Variants in SLC25A21 observed in about 807,000 individuals in gnomAD.
The protein encoded by SLC25A21 is mitochondrial 2-oxodicarboxylate carrier.
SLC25A21 carries 47 observed loss-of-function variants against 43.8 expected under a neutral mutation model. The observed-to-expected ratio is 1.07, with a 90% CI of 0.85 to 1.37. SLC25A21 has a LOEUF of 1.37. Ranked by LOEUF, SLC25A21 falls within the 40% of genes most tolerant of loss-of-function variation. SLC25A21 has a pLI of 0.00. For synonymous variants in SLC25A21, 131 were observed against 121.3 expected (o/e 1.08, Z -0.52); for missense variants, 352 against 350.2 (o/e 1.00, Z -0.04).
At chr14:36,985,876 A>G (rs1002296985) in intron 1 of SLC25A21, among the ~76,000 whole-genome samples, 1 of 152,180 alleles carries the variant, frequency 6.6e-6, no homozygotes, top group Admixed American at 6.5e-5. Context: ...ATCATTATTT[A>G]TTTTAATGCT....
At chr14:37,092,352 C>T (rs529674760) in intron 1 of SLC25A21, among the ~76,000 whole-genome samples, 1 of 152,278 alleles carries the variant, frequency 6.6e-6, no homozygotes, top group Non-Finnish European at 1.5e-5. Flanking sequence ...CTACACAGTA[C>T]CATGTCTACA....
intron 2 of SLC25A21, among the ~76,000 whole-genome samples, chr14:36,831,569 G>A (rs1027032275): frequency 2.0e-5 from 3 of 152,116 alleles, no homozygotes; most frequent in African/African-American, 7.2e-5. Context: ...ATTAGAATTA[G>A]GGAAGAATCC....
chr14:36,833,801 C>A (rs560805770), intron 2 of SLC25A21, among the ~76,000 whole-genome samples: 2 of 152,188 alleles, frequency 1.3e-5, no homozygotes, highest in African/African-American at 4.8e-5. Context: ...AGGATATATG[C>A]GGGTACAGCT....
At chr14:36,813,234 C>T (rs1888333654) in intron 3 of SLC25A21, among the ~76,000 whole-genome samples, 1 of 152,110 alleles carries the variant, frequency 6.6e-6, no homozygotes, top group South Asian at 2.1e-4. Context: ...TTCCAACAGA[C>T]ACACGCACAC....
At chr14:36,736,332 C>T (rs1430108238) in intron 3 of SLC25A21, among the ~76,000 whole-genome samples, 1 of 152,030 alleles carries the variant, frequency 6.6e-6, no homozygotes, top group Non-Finnish European at 1.5e-5. Flanking sequence ...ATGAGTTGTC[C>T]CCACCCCTTT....
chr14:37,141,078 G>A (rs1963562677), intron 1 of SLC25A21, among the ~76,000 whole-genome samples: 1 of 152,110 alleles, frequency 6.6e-6, no homozygotes. Context: ...CAGGGAAGCG[G>A]AGGTTGCAGT....
intron 3 of SLC25A21, among the ~76,000 whole-genome samples, chr14:36,812,863 T>C (rs1202061111): frequency 6.6e-6 from 1 of 152,126 alleles, no homozygotes; most frequent in African/African-American, 2.4e-5. Flanking sequence ...CTTCTCTGAG[T>C]CTTCTTTATC....
At chr14:36,746,518 G>A (rs1481744127) in intron 3 of SLC25A21, among the ~76,000 whole-genome samples, 2 of 152,126 alleles carry the variant, frequency 1.3e-5, no homozygotes. Flanking sequence ...TTATTTGGGC[G>A]ATGGGTACTA....
chr14:36,981,782 A>C (rs1960030904), intron 1 of SLC25A21, among the ~76,000 whole-genome samples: 1 of 152,224 alleles, frequency 6.6e-6, no homozygotes, highest in Non-Finnish European at 1.5e-5. Flanking sequence ...GCACATGTAT[A>C]CATATGTAAC....
At chr14:37,040,500 C>A (rs184540871) in intron 1 of SLC25A21, among the ~76,000 whole-genome samples, 44 of 151,802 alleles carry the variant, frequency 2.9e-4, no homozygotes, top group Middle Eastern at 3.4e-3. Flanking sequence ...TGTTGACTGG[C>A]ATGGGTAGAG....
At position 36,695,638 on chromosome 14, in the gene SLC25A21, G is replaced by A. The variant is rs191073825; in HGVS notation, c.604-10713C>T. Reference sequence around the variant, plus strand: ...AAGAGGTCCTTCACATTCCTTGTAAGTTTGATTCCTAGGTATTTTATTCTC... The same window carrying A: ...AAGAGGTCCTTCACATTCCTTGTAAATTTGATTCCTAGGTATTTTATTCTC... On this transcript the variant is annotated intron_variant, in intron 7 of 9. Coordinates refer to ENST00000331299, the MANE Select transcript of SLC25A21 (RefSeq NM_030631.4). 6.2e-3 allele frequency among the ~76,000 whole-genome samples: 940 copies of A among 152,252 alleles called. 15 individuals carry two copies. The highest frequency in any genetic ancestry group is 0.022 in the African/African-American group (909 of 41,542).
At chr14:36,706,690 C>T (rs932059530) in intron 7 of SLC25A21, among the ~76,000 whole-genome samples, 1 of 152,142 alleles carries the variant, frequency 6.6e-6, no homozygotes, top group African/African-American at 2.4e-5. Context: ...CTTCTGAACC[C>T]CCTACTTTTC....
At position 36,993,086 on chromosome 14, in the gene SLC25A21, T is replaced by C. The variant is rs186636898; in HGVS notation, c.71-118082A>G. ...GAGAGTGAACATATTTATTATTGCT[T>C]TTACGTTTTTCTGTTTGGGACAATA... On this transcript the variant is annotated intron_variant, in intron 1 of 9. Coordinates refer to ENST00000331299, the MANE Select transcript of SLC25A21 (RefSeq NM_030631.4). 2.9e-3 allele frequency among the ~76,000 whole-genome samples: 441 copies of C among 152,356 alleles called. 2 individuals carry two copies. Among genetic ancestry groups the C allele is most frequent in the Non-Finnish European group, 3.5e-3 (237 of 68,032 alleles).
chr14:36,819,935 T>A (rs1480745714), intron 2 of SLC25A21, among the ~76,000 whole-genome samples: 1 of 152,202 alleles, frequency 6.6e-6, no homozygotes, highest in Non-Finnish European at 1.5e-5. Context: ...GAATATGCAG[T>A]AATTGAATTG....
chr14:37,143,876 A>C (rs951479586), intron 1 of SLC25A21, among the ~76,000 whole-genome samples: 2 of 152,200 alleles, frequency 1.3e-5, no homozygotes, highest in Non-Finnish European at 2.9e-5. Context: ...AAAGCAGTTA[A>C]ATTGTTGGAA....
intron 1 of SLC25A21, chr14:37,172,071 G>C (rs1007215191): frequency 1.3e-5 from 7 of 552,094 alleles, no homozygotes; most frequent in African/African-American, 1.2e-4. Flanking sequence ...CGGACGCCGA[G>C]GCAACTTTAC....
chr14:36,727,065 G>A (rs1884629765), intron 5 of SLC25A21, among the ~76,000 whole-genome samples: 1 of 152,200 alleles, frequency 6.6e-6, no homozygotes, highest in South Asian at 2.1e-4. Context: ...GTAACACACA[G>A]TAGCTTGTGC....
chr14:36,951,830 C>T (rs1414040488), intron 1 of SLC25A21, among the ~76,000 whole-genome samples: 2 of 152,224 alleles, frequency 1.3e-5, no homozygotes, highest in East Asian at 1.9e-4. Context: ...CAAAATGATT[C>T]GCTGGTTACA....
At chr14:36,879,766 C>T (rs904411862) in intron 1 of SLC25A21, among the ~76,000 whole-genome samples, 11 of 151,806 alleles carry the variant, frequency 7.2e-5, no homozygotes. Flanking sequence ...CTTGACTGAT[C>T]ATTAACACCA....
Sources: allele counts gnomAD v4.1 joint callset (sites outside exome capture counted in the v4.1 genomes callset), GRCh38; gene constraint gnomAD v4.1.1; transcripts MANE v1.5; gene names NCBI Gene and HGNC (gene_info 2026-07-23, HGNC 2026-07-21).